SLCO3A1: variants seen among roughly 807,000 people sequenced by gnomAD.
The protein encoded by SLCO3A1 is solute carrier organic anion transporter family member 3A1.
A neutral mutation model predicts 63.1 loss-of-function variants in SLCO3A1; 27 were observed. The ratio of observed to expected loss-of-function variants is 0.43; its 90% confidence interval spans 0.32 to 0.59. The LOEUF is 0.59. Ranked by LOEUF, SLCO3A1 falls within the 20% of genes least tolerant of loss-of-function variation. The probability of loss-of-function intolerance (pLI) is 0.09; values close to 1 mark genes in which losing one functional copy is unlikely to be tolerated. For synonymous variants in SLCO3A1, 473 were observed against 409.9 expected, an observed-to-expected ratio of 1.15 and a Z score of -1.86; for missense variants, 773 against 945.8, an observed-to-expected ratio of 0.82 and a Z score of 2.40.
rs567990197 is a variant in SLCO3A1, at chr15:92,068,068, G to C, written c.647-26813G>C. Among the ~76,000 whole-genome samples the C allele has an allele frequency of 1.5e-4, 23 of 152,258 alleles. No individual in the cohort carries two copies. In the South Asian group the frequency reaches 4.8e-3, roughly 32 times the overall value. On this transcript the variant is annotated intron_variant, in intron 2 of 9. Coordinates refer to ENST00000318445, the MANE Select transcript of SLCO3A1 (RefSeq NM_013272.4). Reference sequence around the variant, plus strand: ...CTTGATACCATTACCCTGGGTATTAGGATTTCAACATGAATTTGGCAAGTA... The same window carrying C: ...CTTGATACCATTACCCTGGGTATTACGATTTCAACATGAATTTGGCAAGTA...
chr15:92,004,592 C>G (rs2046292956), intron 2 of SLCO3A1, among the ~76,000 whole-genome samples: 2 of 152,200 alleles, frequency 1.3e-5, no homozygotes, highest in South Asian at 2.1e-4. Flanking sequence ...CAAAGATACT[C>G]ACTCCCTGGA....
At chr15:91,971,449 A>T (rs2151429077) in intron 2 of SLCO3A1, among the ~76,000 whole-genome samples, 1 of 148,862 alleles carries the variant, frequency 6.7e-6, no homozygotes, top group East Asian at 2.0e-4. Flanking sequence ...CATGCTGTAA[A>T]CAAGTATCCT....
At chr15:92,063,583 G>C (rs1275063932) in intron 2 of SLCO3A1, among the ~76,000 whole-genome samples, 1 of 152,174 alleles carries the variant, frequency 6.6e-6, no homozygotes, top group Admixed American at 6.5e-5. Flanking sequence ...AAATGGGCCG[G>C]GTGTGGTGGC....
chr15:91,855,804 A>G (rs554872572), intron 1 of SLCO3A1, among the ~76,000 whole-genome samples: 39 of 152,264 alleles, frequency 2.6e-4, no homozygotes, highest in Non-Finnish European at 4.0e-4. Flanking sequence ...AACCGGGTCT[A>G]TGTTTAGAAG....
chr15:91,891,638 A>G (rs1045500457), intron 1 of SLCO3A1, among the ~76,000 whole-genome samples: 3 of 152,184 alleles, frequency 2.0e-5, no homozygotes, highest in Non-Finnish European at 4.4e-5. Flanking sequence ...ATACAAAATT[A>G]GTGAATGTCT....
intron 2 of SLCO3A1, among the ~76,000 whole-genome samples, chr15:92,009,069 A>G (rs138116678): frequency 9.4e-4 from 143 of 152,262 alleles, no homozygotes; most frequent in African/African-American, 3.3e-3. Flanking sequence ...GTACACTCTG[A>G]TATTTCTCTG....
At chr15:91,855,711 T>C (rs1014301134) in intron 1 of SLCO3A1, among the ~76,000 whole-genome samples, 3 of 152,198 alleles carry the variant, frequency 2.0e-5, no homozygotes, top group Non-Finnish European at 4.4e-5. Context: ...TTTAAATAAG[T>C]ACATGTATTA....
intron 2 of SLCO3A1, among the ~76,000 whole-genome samples, chr15:91,990,060 A>G (rs560830702): frequency 1.3e-5 from 2 of 152,304 alleles, no homozygotes; most frequent in South Asian, 2.1e-4. Flanking sequence ...TACCACTTCT[A>G]TCCTTCGCAT....
intron 9 of SLCO3A1, among the ~76,000 whole-genome samples, chr15:92,151,549 C>A (rs1416063029): frequency 6.6e-6 from 1 of 152,182 alleles, no homozygotes; most frequent in Non-Finnish European, 1.5e-5. Context: ...GAAAGTCTGA[C>A]CCTCTTGTTT....
At chr15:92,070,779 A>C (rs1037493410) in intron 2 of SLCO3A1, among the ~76,000 whole-genome samples, 2 of 152,058 alleles carry the variant, frequency 1.3e-5, no homozygotes, top group African/African-American at 2.4e-5. Flanking sequence ...GACTAGTGAG[A>C]GGTATCTGTG....
intron 2 of SLCO3A1, among the ~76,000 whole-genome samples, chr15:92,081,256 G>A (rs898072699): frequency 1.3e-5 from 2 of 151,750 alleles, no homozygotes; most frequent in African/African-American, 2.4e-5. Context: ...CCCAGCCTCT[G>A]GTAACCATCA....
intron 3 of SLCO3A1, among the ~76,000 whole-genome samples, chr15:92,095,762 T>C (rs1252412863): frequency 6.6e-6 from 1 of 152,182 alleles, no homozygotes. Flanking sequence ...TGGTGACCTG[T>C]AGATCTACTC....
chr15:92,058,360 G>A (rs144539077), intron 2 of SLCO3A1, among the ~76,000 whole-genome samples: 1 of 152,180 alleles, frequency 6.6e-6, no homozygotes, highest in African/African-American at 2.4e-5. Context: ...TCATTATTGA[G>A]TTTTTCCCCT....
At chr15:91,990,507 T>C (rs2046112728) in intron 2 of SLCO3A1, among the ~76,000 whole-genome samples, 1 of 152,060 alleles carries the variant, frequency 6.6e-6, no homozygotes, top group Non-Finnish European at 1.5e-5. Context: ...TGCCTCTGGG[T>C]GTCCTTAAGG....
chr15:91,912,029 T>C lies in SLCO3A1; in HGVS notation c.181-3964T>C, dbSNP rs1444102376. 2.6e-5 allele frequency among the ~76,000 whole-genome samples: 4 copies of C among 152,194 alleles called. No homozygotes were observed. The highest frequency in any genetic ancestry group is 5.9e-5 in the Non-Finnish European group (4 of 68,026). On this transcript the variant is annotated intron_variant, in intron 1 of 9. Coordinates refer to ENST00000318445, the MANE Select transcript of SLCO3A1 (RefSeq NM_013272.4). The surrounding 1 kb of genome is among the most constrained non-coding windows in gnomAD (Gnocchi z 5.0). ...GAAGCCTGATACATACTGCATACTT[T>C]ACATAATAACTTCATATACACTTGG...
At chr15:91,931,819 A>ACACACACACACT (rs1219494698) in intron 2 of SLCO3A1, among the ~76,000 whole-genome samples, 2 of 151,822 alleles carry the variant, frequency 1.3e-5, no homozygotes, top group South Asian at 2.1e-4. Context: ...ACACACACAC[A>ACACACACACACT]CACTCACACA....
At chr15:92,059,450 G>GC (rs1567095747) in intron 2 of SLCO3A1, among the ~76,000 whole-genome samples, 3 of 152,078 alleles carry the variant, frequency 2.0e-5, no homozygotes, top group Non-Finnish European at 2.9e-5. Flanking sequence ...TGCTTCTTCC[G>GC]TCACCCTTGT....
intron 5 of SLCO3A1, among the ~76,000 whole-genome samples, chr15:92,122,116 G>A (rs1317645115): frequency 6.6e-6 from 1 of 152,186 alleles, no homozygotes; most frequent in African/African-American, 2.4e-5. Context: ...AGGTTTCTCA[G>A]TGGAGGGAAA....
chr15:92,123,334 G>C (rs991237405), intron 5 of SLCO3A1, among the ~76,000 whole-genome samples: 1 of 152,150 alleles, frequency 6.6e-6, no homozygotes, highest in Non-Finnish European at 1.5e-5. Flanking sequence ...TTGAACCTGG[G>C]AGGTGGAGGT....
Sources: gnomAD v4.1 joint callset for allele counts (sites outside exome capture counted in the v4.1 genomes callset) on GRCh38, gnomAD v4.1.1 for gene constraint, Gnocchi (gnomAD v3.1) non-coding constraint, MANE v1.5 for transcripts, NCBI Gene and HGNC (gene_info 2026-07-23, HGNC 2026-07-21) for gene names.